Variants in DACT3 observed in about 807,000 individuals in gnomAD.
The protein encoded by DACT3 is dishevelled binding antagonist of beta catenin 3.
Under a neutral mutation model 19.6 loss-of-function variants are expected in DACT3, and 5 were observed. That is an observed-to-expected ratio of 0.26 (90% CI 0.13 to 0.54). The LOEUF (loss-of-function observed/expected upper bound fraction) is 0.54. DACT3 is among the 20% of genes least tolerant of loss of function. The pLI is 0.95. For missense variants in DACT3, 908 were observed against 927.4 expected, an observed-to-expected ratio of 0.98 and a Z score of 0.27; for synonymous variants, 454 against 428.1, an observed-to-expected ratio of 1.06 and a Z score of -0.75.
chr19:46,648,660 C>A lies in DACT3; in HGVS notation c.1712G>T (p.Gly571Val). 2 of 1,612,450 alleles carry A rather than the reference C, an allele frequency of 1.2e-6. No individual in the cohort carries two copies. Among genetic ancestry groups the A allele is most frequent in the African/African-American group, 1.3e-5 (1 of 75,044 alleles). Residue 571 changes from glycine (G) to valine (V), a missense_variant, in exon 4 of 4, where the codon GGT becomes GTT. Physicochemically the swap from Gly to Val is moderately radical, Grantham distance 109 (BLOSUM62 -3). Around this residue, in one of 2 missense-constraint regions of DACT3, gnomAD observed 656 missense variants for 601.8 expected, o/e 1.09. Coordinates refer to ENST00000391916, the MANE Select transcript of DACT3 (RefSeq NM_145056.3). This position sits in a 1 kb window ranked among gnomAD's most constrained non-coding sequence, Gnocchi z 5.1. ...CAGCTGCTGCGGCCACACGAGGCCA[C>A]CGCTGCCGTCTGAGTCGCTGGAGGC... ...SSASSDSDGS[G>V]GLVWPQQLVA...
chr19:46,659,245 G>C, intron 1 of DACT3: 1 of 985,326 alleles, frequency 1.0e-6, no homozygotes, highest in Non-Finnish European at 1.2e-6. Context: ...CTGGGGGGTG[G>C]GGGGACAGGC....
At position 46,652,965 on chromosome 19, in the gene DACT3, C is replaced by A; in HGVS notation, c.346+14G>T. 6.4e-7 allele frequency: 1 copy of A among 1,550,446 alleles called. No individual in the cohort carries two copies. Among genetic ancestry groups the A allele is most frequent in the Non-Finnish European group, 8.7e-7 (1 of 1,146,968 alleles). ...GGCGTCCCAGGCAAACCCTACCCCT[C>A]CATCCATGCTCACCCGAGCTACGCC... On this transcript the variant is annotated intron_variant, in intron 2 of 3. Transcript: ENST00000391916.
chr19:46,649,333 CG>C lies in DACT3; in HGVS notation c.1038del (p.Asp347ThrfsTer9), dbSNP rs1568694083. ...PAAPPAAPSP[P>X]DSPAEGRLVK... ...ACCAAGCGGCCCTCAGCCGGGCTGT[CG>C]GGGGGTGAGGGGGCGGCGGGCGGCG... On this transcript the variant is annotated frameshift_variant, in exon 4 of 4. Transcript: ENST00000391916. LOFTEE classifies it low-confidence loss of function (END_TRUNC). 27 of 1,230,490 alleles carry C rather than the reference CG, an allele frequency of 2.2e-5. No individual in the cohort carries two copies. Among genetic ancestry groups the C allele is most frequent in the South Asian group, 9.5e-5 (4 of 42,152 alleles). The allele number at this position is 1,230,490 out of a possible 1,614,324, so 76.2% of individuals were successfully genotyped here.
intron 1 of DACT3, chr19:46,659,274 T>A (rs1272170651): frequency 2.0e-6 from 2 of 981,616 alleles, no homozygotes; most frequent in African/African-American, 3.6e-5. Flanking sequence ...TATCAGCTCG[T>A]GCCGGGAGGA....
rs1337671330 is a variant in DACT3 at position 46,649,190 on chromosome 19, C to T, written c.1182G>A (p.Arg394=). 6.6e-6 allele frequency: 8 copies of T among 1,206,790 alleles called. No homozygotes were observed. In the African/African-American group the frequency reaches 9.6e-5, roughly 14 times the overall value. 74.8% of individuals were successfully genotyped at this position (1,206,790 alleles called of 1,614,324 possible). A position where few individuals can be genotyped will look rare whatever the true frequency, so the allele number is the denominator to read the frequency against. The change falls in exon 4 of 4, where the codon CGG becomes CGA. Residue 394 remains arginine, a synonymous_variant. Transcript: ENST00000391916. ...RGRSVEQSPP[R]ERPRAAGRRG... The stretch of plus-strand genomic sequence containing the variant: ...GGCGGCCGGCGGCCCGGGGACGCTC[C>T]CGGGGTGGTGACTGCTCCACGCTGC...
chr19:46,651,051 G>GTTTATTTA (rs1437807067), intron 3 of DACT3: 8 of 139,852 alleles, frequency 5.7e-5, no homozygotes, highest in African/African-American at 1.6e-4. Flanking sequence ...ATTTATCCTG[G>GTTTATTTA]TTTATTTATT....
At position 46,649,668 on chromosome 19, in the gene DACT3, G is replaced by C. The variant is rs1326605655; in HGVS notation, c.704C>G (p.Pro235Arg). ...AMRSPRPCGR[P>R]PTDSPDAGGA... ...CCCCGCGTCGGGCGAGTCGGTGGGA[G>C]GGCGGCCGCAGGGCCGCGGGCTGCG... Residue 235 changes from proline (P) to arginine (R), a missense_variant, in exon 4 of 4, where the codon CCT becomes CGT. This residue lies in a region of DACT3 where 656 missense variants were observed against 601.8 expected (regional missense o/e 1.09). Coordinates refer to ENST00000391916, the MANE Select transcript of DACT3 (RefSeq NM_145056.3). 1 of 1,169,174 alleles carries C rather than the reference G, an allele frequency of 8.6e-7. No individual in the cohort carries two copies. Among genetic ancestry groups the C allele is most frequent in the Non-Finnish European group, 1.1e-6 (1 of 948,664 alleles). The allele number at this position is 1,169,174 out of a possible 1,614,324, so 72.4% of individuals were successfully genotyped here. A position where few individuals can be genotyped will look rare whatever the true frequency, so the allele number is the denominator to read the frequency against.
rs779809717 is a variant in DACT3 at position 46,648,765 on chromosome 19, C to T, written c.1607G>A (p.Gly536Glu). 1.3e-6 allele frequency: 2 copies of T among 1,561,504 alleles called. No individual in the cohort carries two copies. The highest frequency in any genetic ancestry group is 1.1e-5 in the South Asian group (1 of 88,296). The change falls in exon 4 of 4, where the codon GGG (glycine) becomes GAG (glutamate). Residue 536 changes from glycine (G) to glutamate (E), a missense_variant. By Grantham distance (98) the Gly-to-Glu change is moderately conservative. This residue lies in a region of DACT3 where 656 missense variants were observed against 601.8 expected (regional missense o/e 1.09). Transcript: ENST00000391916. The surrounding 1 kb of genome is among the most constrained non-coding windows in gnomAD (Gnocchi z 5.1). ...AGRLGPLGRR[G>E]PAGGVGGGYG... is the part of the protein sequence containing the mutation. ...ACCCCCGCCGACGCCTCCCGCAGGCCCCCGGCGTCCCAGGGGCCCCAGGCG... is the reference window on the plus strand; with the variant it reads ...ACCCCCGCCGACGCCTCCCGCAGGCTCCCGGCGTCCCAGGGGCCCCAGGCG...
rs1271939354 is a variant in DACT3, at chr19:46,649,771, C to G, written c.601G>C (p.Glu201Gln). The G allele has an allele frequency of 2.3e-6, 3 of 1,323,276 alleles. No homozygotes were observed. The African/African-American group carries it at 4.7e-5, about 21-fold the overall frequency. The allele number at this position is 1,323,276 out of a possible 1,614,324, so 82.0% of individuals were successfully genotyped here. A position where few individuals can be genotyped will look rare whatever the true frequency, so the allele number is the denominator to read the frequency against. ...YPTAGGSAGP[E>Q]ACSSAERRAR... is the part of the protein sequence containing the mutation. Reference sequence around the variant, plus strand: ...CGCCGCTCCGCCGAGGAGCAGGCCTCCGGGCCGGCGGACCCCCCTGCCGTC... The same window carrying G: ...CGCCGCTCCGCCGAGGAGCAGGCCTGCGGGCCGGCGGACCCCCCTGCCGTC... The change falls in exon 4 of 4, where the codon GAG (glutamate) becomes CAG (glutamine). Residue 201 changes from glutamate to glutamine, a missense_variant. Glu to Gln is a conservative substitution (Grantham distance 29). Coordinates refer to ENST00000391916, the MANE Select transcript of DACT3 (RefSeq NM_145056.3).
rs1371255212 is a variant in DACT3, at chr19:46,660,834, C to T, written c.231G>A (p.Ala77=). Residue 77 remains alanine (A), a synonymous_variant, in exon 1 of 4, where the codon GCG becomes GCA. Transcript: ENST00000391916. This position sits in a 1 kb window ranked among gnomAD's most constrained non-coding sequence, Gnocchi z 4.9. The stretch of plus-strand genomic sequence containing the variant: ...CCCTTACCAGCTGCTCCTCCAGGGC[C>T]GCTGCGGCCCGGCGCGCCGCCGCCG... ...EDAAAARRAA[A]ALEEQLEALP... The T allele has an allele frequency of 7.3e-6, 11 of 1,514,706 alleles. No individual in the cohort carries two copies. Among genetic ancestry groups the T allele is most frequent in the Non-Finnish European group, 9.7e-6 (11 of 1,137,434 alleles). The allele number at this position is 1,514,706 out of a possible 1,614,324, so 93.8% of individuals were successfully genotyped here.
At chr19:46,652,406 A>G (rs1317072772) in intron 3 of DACT3, 1 of 494,694 alleles carries the variant, frequency 2.0e-6, no homozygotes, top group Non-Finnish European at 3.5e-6. Context: ...GCTGGTCTCA[A>G]TCTCCTGGCC....
intron 1 of DACT3, chr19:46,654,949 G>A: frequency 1.0e-6 from 1 of 985,338 alleles, no homozygotes; most frequent in South Asian, 4.7e-5. Context: ...CCTGCCCTGG[G>A]TATATTGAGA....
At chr19:46,654,434 C>T (rs1335753526) in intron 1 of DACT3, 19 of 733,218 alleles carry the variant, frequency 2.6e-5, no homozygotes, top group African/African-American at 4.1e-5. Context: ...TGCAGTGAGC[C>T]GAGATCACAC....
chr19:46,649,420 C>T lies in DACT3; in HGVS notation c.952G>A (p.Ala318Thr). 3 of 1,279,386 alleles carry T rather than the reference C, an allele frequency of 2.3e-6. No homozygotes were observed. Among genetic ancestry groups the T allele is most frequent in the Non-Finnish European group, 2.0e-6 (2 of 1,002,896 alleles). 79.3% of individuals were successfully genotyped at this position (1,279,386 alleles called of 1,614,324 possible). Residue 318 changes from alanine (A) to threonine (T), a missense_variant, in exon 4 of 4, where the codon GCC becomes ACC. Physicochemically the swap from Ala to Thr is moderately conservative, Grantham distance 58. Around this residue, in one of 2 missense-constraint regions of DACT3, gnomAD observed 656 missense variants for 601.8 expected, o/e 1.09. Transcript: ENST00000391916. ...ERVGGHPTSP[A>T]ALSRAWASSW... ...GACGCCCAGGCGCGGCTCAAGGCGG[C>T]AGGGCTGGTGGGGTGGCCCCCGACG...
chr19:46,651,239 C>G (rs141733616), intron 3 of DACT3: 2 of 152,104 alleles, frequency 1.3e-5, no homozygotes, highest in Non-Finnish European at 2.9e-5. Flanking sequence ...CGCGCCACCA[C>G]GCCCAGCTAA....
Position 46,660,811 on chromosome 19 carries a change from CT to C in DACT3, c.249+4del, listed in dbSNP as rs2053069921. On this transcript the variant is annotated splice_donor_region_variant and intron_variant, in intron 1 of 3. Transcript: ENST00000391916. This position sits in a 1 kb window ranked among gnomAD's most constrained non-coding sequence, Gnocchi z 4.9. ...GGAGGGACGGACGGACAGGCAGCCCCTTACCAGCTGCTCCTCCAGGGCCGCT... is the reference window on the plus strand; with the variant it reads ...GGAGGGACGGACGGACAGGCAGCCCCTACCAGCTGCTCCTCCAGGGCCGCT... 6 of 1,497,822 alleles carry C rather than the reference CT, an allele frequency of 4.0e-6. No homozygotes were observed. In the East Asian group the frequency reaches 1.6e-4, roughly 40 times the overall value. The allele number at this position is 1,497,822 out of a possible 1,614,324, so 92.8% of individuals were successfully genotyped here. A position where few individuals can be genotyped will look rare whatever the true frequency, so the allele number is the denominator to read the frequency against.
chr19:46,657,342 G>C (rs1294471407), intron 1 of DACT3, among the ~76,000 whole-genome samples: 2 of 135,492 alleles, frequency 1.5e-5, no homozygotes, highest in Non-Finnish European at 3.1e-5. Flanking sequence ...GATTAAATGA[G>C]TTTCTTTTTT....
In DACT3 at chr19:46,653,064, A is replaced by G; in HGVS notation, c.261T>C (p.Pro87=). 6.4e-7 allele frequency: 1 copy of G among 1,551,374 alleles called. No homozygotes were observed. The highest frequency in any genetic ancestry group is 8.7e-7 in the Non-Finnish European group (1 of 1,146,982). The stretch of plus-strand genomic sequence containing the variant: ...GCTGTCCCAGGTCCCAGACGAGACC[A>G]GGCAGGGCCTCCTGAAGGCATAGGG... The part of the protein sequence containing the change: ...AALEEQLEAL[P]GLVWDLGQQL... Residue 87 remains proline (P), a synonymous_variant, in exon 2 of 4, where the codon CCT becomes CCC. Transcript: ENST00000391916.
In DACT3 at chr19:46,649,640, G is replaced by T. The variant is rs1484520170; in HGVS notation, c.732C>A (p.Gly244=). The T allele has an allele frequency of 6.1e-6, 7 of 1,144,194 alleles. No individual in the cohort carries two copies. The highest frequency in any genetic ancestry group is 3.9e-5 in the South Asian group (1 of 25,884). 70.9% of individuals were successfully genotyped at this position (1,144,194 alleles called of 1,614,324 possible). Residue 244 remains glycine, a synonymous_variant, in exon 4 of 4, where the codon GGC becomes GGA. Transcript: ENST00000391916. ...TGTAGCCGTCCAGGGGCCGCCCTGC[G>T]CCCCCCGCGTCGGGCGAGTCGGTGG... is the stretch of plus-strand genomic sequence containing the variant. ...RPPTDSPDAG[G]AGRPLDGYIS...
Sources: gnomAD v4.1 joint callset for allele counts (sites outside exome capture counted in the v4.1 genomes callset) on GRCh38, gnomAD v4.1.1 for gene constraint, gnomAD v4.1.1 regional missense constraint, Gnocchi (gnomAD v3.1) non-coding constraint, MANE v1.5 for transcripts, NCBI Gene and HGNC (gene_info 2026-07-23, HGNC 2026-07-21) for gene names.